Variants in FHIP1B observed in about 807,000 individuals in gnomAD.
The protein encoded by FHIP1B is FHF complex subunit HOOK-interacting protein 1B.
In FHIP1B, 28 loss-of-function variants were observed where a neutral mutation model predicts 82.2. The observed-to-expected ratio is 0.34, with a 90% CI of 0.25 to 0.47. The LOEUF is 0.47. Among genes scored for constraint, FHIP1B ranks in the 20% least tolerant of loss-of-function variants. The pLI, the probability that FHIP1B is intolerant of heterozygous loss-of-function variation, is 1.00. For missense variants in FHIP1B, 1,110 were observed against 1,262.6 expected (o/e 0.88, Z 1.83); for synonymous variants, 585 against 516.1 (o/e 1.13, Z -1.81).
Position 6,217,466 on chromosome 11 carries a change from G to GCCT in FHIP1B, c.2117_2119dup (p.Glu706dup). 2.5e-6 allele frequency: 4 copies of GCCT among 1,613,676 alleles called. No homozygotes were observed. The highest frequency in any genetic ancestry group is 3.4e-6 in the Non-Finnish European group (4 of 1,179,724). ...AGGGGGACAGGTGAAGCTCTCGTAG[G>GCCT]CCTCCTCCTCCTCAAGGGGCAGTGG... On this transcript the variant is annotated inframe_insertion, in exon 9 of 12. Transcript: ENST00000449352.
chr11:6,211,491 G>T lies in FHIP1B; in HGVS notation c.*15C>A, dbSNP rs1256265515. ...GCCCGGGCCACCCATGGCCCTGATT[G>T]TCCATGGAAGAAAGTTAAGGATTGA... On this transcript the variant is annotated 3_prime_UTR_variant, in exon 12 of 12. Coordinates refer to ENST00000449352, the MANE Select transcript of FHIP1B (RefSeq NM_001098794.2). 2.6e-6 allele frequency: 4 copies of T among 1,565,252 alleles called. No individual in the cohort carries two copies. In the Admixed American group the frequency reaches 7.8e-5, roughly 31 times the overall value.
chr11:6,225,679 C>A lies in FHIP1B; in HGVS notation c.-191-972G>T, dbSNP rs116245394. On this transcript the variant is annotated intron_variant, in intron 1 of 11. Coordinates refer to ENST00000449352, the MANE Select transcript of FHIP1B (RefSeq NM_001098794.2). The stretch of plus-strand genomic sequence containing the variant: ...ATGAACAATCAATCAAGAAATCCAG[C>A]CTTGATCTGACTCTAGCCCTCTGGG... Among the ~76,000 whole-genome samples the A allele has an allele frequency of 2.3e-3, 350 of 152,272 alleles. 1 individual carries two copies. Among genetic ancestry groups the A allele is most frequent in the African/African-American group, 8.1e-3 (337 of 41,566 alleles).
intron 6 of FHIP1B, among the ~76,000 whole-genome samples, 156 bp from the exon 7 acceptor site, chr11:6,219,206 A>G (rs1847339827): frequency 6.6e-6 from 1 of 152,238 alleles, no homozygotes; most frequent in Non-Finnish European, 1.5e-5. Flanking sequence ...CACATAAGTC[A>G]TTCAAGTATT....
chr11:6,219,019 G>C lies in FHIP1B; in HGVS notation c.1223C>G (p.Thr408Ser), dbSNP rs1847332167. The change falls in exon 7 of 12, where the codon ACC becomes AGC. Residue 408 changes from threonine to serine, a missense_variant. By Grantham distance (58) the Thr-to-Ser change is moderately conservative. This residue lies in a region of FHIP1B where 467 missense variants were observed against 602.9 expected (regional missense o/e 0.77). Coordinates refer to ENST00000449352, the MANE Select transcript of FHIP1B (RefSeq NM_001098794.2). The part of the protein sequence containing the change: ...LCMVSLSLFR[T>S]LLNLSCEDVL... ...ATCCTCACAGCTGAGGTTCAGGAGG[G>C]TCCTGAAGAGACTCAGAGAGACCAT... 6.2e-7 allele frequency: 1 copy of C among 1,613,592 alleles called. No homozygotes were observed. The highest frequency in any genetic ancestry group is 1.3e-5 in the African/African-American group (1 of 74,890).
intron 9 of FHIP1B, chr11:6,217,138 A>G: frequency 1.4e-6 from 1 of 703,792 alleles, no homozygotes; most frequent in South Asian, 1.5e-5. Flanking sequence ...ACATACATAC[A>G]AGGCTCAGAT....
intron 11 of FHIP1B, 57 bp from the exon 12 acceptor site, chr11:6,211,924 T>C: frequency 1.3e-6 from 2 of 1,484,362 alleles, no homozygotes; most frequent in Non-Finnish European, 1.8e-6. Context: ...TCCCTTGGAC[T>C]GAGAGGGGAG....
chr11:6,233,865 G>A (rs1294322162), intron 1 of FHIP1B, among the ~76,000 whole-genome samples: 1 of 152,174 alleles, frequency 6.6e-6, no homozygotes, highest in Non-Finnish European at 1.5e-5. Flanking sequence ...GCAGTCCAGA[G>A]AAGGAACTCG....
rs189492325 is a variant in FHIP1B at position 6,233,819 on chromosome 11, G to A, written c.-192+725C>T. 2.6e-5 allele frequency among the ~76,000 whole-genome samples: 4 copies of A among 152,296 alleles called. No individual in the cohort carries two copies. In the East Asian group the frequency reaches 5.8e-4, roughly 22 times the overall value. Reference sequence around the variant, plus strand: ...GAGAGAAAACACAAGCTGTCACAGCGCAAAACCCTTCATGAGAGGGCCCAT... The same window carrying A: ...GAGAGAAAACACAAGCTGTCACAGCACAAAACCCTTCATGAGAGGGCCCAT... On this transcript the variant is annotated intron_variant, in intron 1 of 11. Coordinates refer to ENST00000449352, the MANE Select transcript of FHIP1B (RefSeq NM_001098794.2).
rs759387111 is a variant in FHIP1B, at chr11:6,223,686, A to T, written c.701T>A (p.Leu234Gln). 1.2e-6 allele frequency: 2 copies of T among 1,613,910 alleles called. No homozygotes were observed. The highest frequency in any genetic ancestry group is 3.3e-5 in the Admixed American group (2 of 59,998). ...GTLGQQARDA[L>Q]LLLMALSAGS... Reference sequence around the variant, plus strand: ...AGCTGACAAAGCCATGAGAAGAAGTAGGGCATCACGGGCCTGCTGGCCCAG... The same window carrying T: ...AGCTGACAAAGCCATGAGAAGAAGTTGGGCATCACGGGCCTGCTGGCCCAG... Residue 234 changes from leucine to glutamine, a missense_variant, in exon 3 of 12, where the codon CTA becomes CAA. Physicochemically the swap from Leu to Gln is moderately radical, Grantham distance 113 (BLOSUM62 -2). Around this residue, in one of 6 missense-constraint regions of FHIP1B, gnomAD observed 467 missense variants for 602.9 expected, o/e 0.77. Coordinates refer to ENST00000449352, the MANE Select transcript of FHIP1B (RefSeq NM_001098794.2). The surrounding 1 kb of genome is among the most constrained non-coding windows in gnomAD (Gnocchi z 4.8).
chr11:6,231,829 A>G (rs758424662), intron 1 of FHIP1B, among the ~76,000 whole-genome samples: 1 of 152,066 alleles, frequency 6.6e-6, no homozygotes, highest in Non-Finnish European at 1.5e-5. Context: ...CACATTTCAC[A>G]TTATCTCTCT....
At chr11:6,233,761 C>A (rs1246263477) in intron 1 of FHIP1B, among the ~76,000 whole-genome samples, 2 of 152,104 alleles carry the variant, frequency 1.3e-5, no homozygotes, top group African/African-American at 4.8e-5. Flanking sequence ...AGGTAAGGAG[C>A]AACAGTGGAA....
chr11:6,217,668 C>T lies in FHIP1B; in HGVS notation c.1918G>A (p.Gly640Arg), dbSNP rs775778791. The T allele has an allele frequency of 2.5e-6, 4 of 1,613,834 alleles. No homozygotes were observed. Among genetic ancestry groups the T allele is most frequent in the Non-Finnish European group, 3.4e-6 (4 of 1,179,984 alleles). Residue 640 changes from glycine (G) to arginine (R), a missense_variant, in exon 9 of 12, where the codon GGA becomes AGA. Coordinates refer to ENST00000449352, the MANE Select transcript of FHIP1B (RefSeq NM_001098794.2). ...TTCTTGGCCCCCTCAGGCCATGATCCTGGCACTCCATTGAGCTGGGGAGGG... is the reference window on the plus strand; with the variant it reads ...TTCTTGGCCCCCTCAGGCCATGATCTTGGCACTCCATTGAGCTGGGGAGGG... Reference protein sequence around the residue: ...LPPPQLNGVPGSWPEGAKKVR... With the variant: ...LPPPQLNGVPRSWPEGAKKVR...
intron 1 of FHIP1B, among the ~76,000 whole-genome samples, chr11:6,232,422 C>G (rs1394799111): frequency 1.3e-5 from 2 of 152,212 alleles, no homozygotes; most frequent in Non-Finnish European, 2.9e-5. Context: ...AGTCCCTTTT[C>G]TGTCTTTTGG....
chr11:6,218,756 C>T lies in FHIP1B; in HGVS notation c.1279G>A (p.Val427Ile). The change falls in exon 8 of 12, where the codon GTT becomes ATT. Residue 427 changes from valine to isoleucine, a missense_variant. By Grantham distance (29) the Val-to-Ile change is conservative. Coordinates refer to ENST00000449352, the MANE Select transcript of FHIP1B (RefSeq NM_001098794.2). ...CTCAGCATAACGTGGTTACATGGAACAAGATACCTGAGAAAGACATCAGAA... is the reference window on the plus strand; with the variant it reads ...CTCAGCATAACGTGGTTACATGGAATAAGATACCTGAGAAAGACATCAGAA... The part of the protein sequence containing the change: ...VLLQLVLRYL[V>I]PCNHVMLSQK... 1 of 1,614,090 alleles carries T rather than the reference C, an allele frequency of 6.2e-7. No individual in the cohort carries two copies. The highest frequency in any genetic ancestry group is 8.5e-7 in the Non-Finnish European group (1 of 1,180,034).
Position 6,221,085 on chromosome 11 carries a change from GT to G in FHIP1B, c.1191+1356del, listed in dbSNP as rs529736715. On this transcript the variant is annotated intron_variant, in intron 6 of 11. Coordinates refer to ENST00000449352, the MANE Select transcript of FHIP1B (RefSeq NM_001098794.2). ...GTAGAGCTCAGAATCTGTTGTAGTT[GT>G]TAGTTGTCATCTTCAAAGATTCACA... is the stretch of plus-strand genomic sequence containing the variant. Among the ~76,000 whole-genome samples the G allele has an allele frequency of 1.4e-4, 22 of 152,286 alleles. 1 individual carries two copies. In the South Asian group the frequency reaches 3.9e-3, roughly 27 times the overall value.
Position 6,223,595 on chromosome 11 carries a change from C to T in FHIP1B, c.777+15G>A. On this transcript the variant is annotated intron_variant, in intron 3 of 11. Coordinates refer to ENST00000449352, the MANE Select transcript of FHIP1B (RefSeq NM_001098794.2). This position sits in a 1 kb window ranked among gnomAD's most constrained non-coding sequence, Gnocchi z 4.8. ...TACACACCACACCCTACCCTCCAAG[C>T]CAGGGGGTGCTAACCGGGCAGAAGT... The T allele has an allele frequency of 6.4e-7, 1 of 1,564,540 alleles. No homozygotes were observed. Among genetic ancestry groups the T allele is most frequent in the Non-Finnish European group, 8.7e-7 (1 of 1,154,712 alleles).
chr11:6,222,939 C>A (rs1847455654), intron 4 of FHIP1B, 42 bp from the exon 5 acceptor site: 46 of 1,601,528 alleles, frequency 2.9e-5, no homozygotes, highest in African/African-American at 5.4e-5. Context: ...TATGAGGAGA[C>A]CACTGCCTGG....
intron 1 of FHIP1B, among the ~76,000 whole-genome samples, chr11:6,228,659 A>T (rs1488720044): frequency 6.6e-6 from 1 of 152,100 alleles, no homozygotes; most frequent in Non-Finnish European, 1.5e-5. Flanking sequence ...TCCACCACCA[A>T]CCCCACCCCA....
At chr11:6,233,891 C>T (rs897500283) in intron 1 of FHIP1B, among the ~76,000 whole-genome samples, 5 of 152,218 alleles carry the variant, frequency 3.3e-5, no homozygotes. Context: ...ACTGAAGTTT[C>T]TGTGATTACT....
Sources: gnomAD v4.1 joint callset for allele counts (sites outside exome capture counted in the v4.1 genomes callset) on GRCh38, gnomAD v4.1.1 for gene constraint, gnomAD v4.1.1 regional missense constraint, Gnocchi (gnomAD v3.1) non-coding constraint, MANE v1.5 for transcripts, NCBI Gene and HGNC (gene_info 2026-07-23, HGNC 2026-07-21) for gene names.